Variants in CEP162 observed in about 807,000 individuals in gnomAD.
CEP162 encodes the protein centrosomal protein 162, also known as centrosomal protein of 162 kDa.
Under a neutral mutation model 169.2 loss-of-function variants are expected in CEP162, and 141 were observed. The ratio of observed to expected loss-of-function variants is 0.83; its 90% confidence interval spans 0.73 to 0.96. CEP162 has a LOEUF of 0.96. Ranked by LOEUF, CEP162 falls within the 40% of genes least tolerant of loss-of-function variation. The pLI is 0.00. For missense variants in CEP162, 1,600 were observed against 1,587.2 expected, an observed-to-expected ratio of 1.01 and a Z score of -0.14; for synonymous variants, 540 against 526.4, an observed-to-expected ratio of 1.03 and a Z score of -0.35.
intron 25 of CEP162, among the ~76,000 whole-genome samples, chr6:84,129,091 T>C (rs996509750): frequency 1.3e-5 from 2 of 152,214 alleles, no homozygotes; most frequent in African/African-American, 2.4e-5. Context: ...CAATCTATCA[T>C]TGATGGGCAT....
chr6:84,159,785 T>C (rs1032459592), intron 21 of CEP162, among the ~76,000 whole-genome samples: 2 of 151,296 alleles, frequency 1.3e-5, no homozygotes, highest in Admixed American at 6.6e-5. Context: ...TTTCACCATG[T>C]TGGCCACCCT....
chr6:84,146,689 CT>C lies in CEP162; in HGVS notation c.3867del (p.Glu1290ArgfsTer6). 1.3e-6 allele frequency: 2 copies of C among 1,528,520 alleles called. No homozygotes were observed. Among genetic ancestry groups the C allele is most frequent in the Non-Finnish European group, 1.8e-6 (2 of 1,124,438 alleles). The allele number at this position is 1,528,520 out of a possible 1,614,324, so 94.7% of individuals were successfully genotyped here. ...CCAATATTTTGGCCATTTCTTACCTCTTTCTGTAGAATTTCTTCTCGAACTT... is the reference window on the plus strand; with the variant it reads ...CCAATATTTTGGCCATTTCTTACCTCTTCTGTAGAATTTCTTCTCGAACTT... ...VSEVREEILQ[K>X]EITKLLEELR... On this transcript the variant is annotated frameshift_variant, in exon 25 of 27. Coordinates refer to ENST00000403245, the MANE Select transcript of CEP162 (RefSeq NM_014895.4). LOFTEE classifies it high-confidence loss of function.
chr6:84,186,301 C>A (rs772089523), intron 12 of CEP162, 31 bp downstream of exon 12: 1 of 1,250,606 alleles, frequency 8.0e-7, no homozygotes, highest in Non-Finnish European at 1.2e-6. Flanking sequence ...GGTTCTCAAT[C>A]TCTCAAATCA....
intron 6 of CEP162, 72 bp from the exon 7 acceptor site, chr6:84,204,168 G>A (rs1562080575): frequency 1.1e-5 from 9 of 845,798 alleles, no homozygotes; most frequent in Admixed American, 2.4e-5. Context: ...AAAGGCTGTT[G>A]ATTTCGAAAG....
At chr6:84,153,216 T>G in intron 22 of CEP162, 37 bp from the exon 23 acceptor site, 1 of 1,553,636 alleles carries the variant, frequency 6.4e-7, no homozygotes. Flanking sequence ...AAACACCTGT[T>G]AAACGTTTCA....
At chr6:84,213,963 C>A (rs916338293) in intron 5 of CEP162, among the ~76,000 whole-genome samples, 21 of 152,176 alleles carry the variant, frequency 1.4e-4, no homozygotes, top group Admixed American at 3.9e-4. Flanking sequence ...AAAGAGCAGG[C>A]TTGTTTCCAC....
At chr6:84,175,109 A>G (rs2099531889) in intron 14 of CEP162, 105 bp downstream of exon 14, 1 of 910,284 alleles carries the variant, frequency 1.1e-6, no homozygotes, top group Non-Finnish European at 1.6e-6. Flanking sequence ...AGTATCACTC[A>G]AAGGAAAAGA....
chr6:84,197,000 C>T (rs749807227), intron 9 of CEP162, among the ~76,000 whole-genome samples: 1 of 152,092 alleles, frequency 6.6e-6, no homozygotes, highest in Non-Finnish European at 1.5e-5. Context: ...TGAAAGAGGT[C>T]ATTAATTTTC....
chr6:84,213,694 C>G (rs2099550430), intron 5 of CEP162, among the ~76,000 whole-genome samples: 1 of 152,138 alleles, frequency 6.6e-6, no homozygotes, highest in Middle Eastern at 3.2e-3. Flanking sequence ...CTATTCTGTA[C>G]TTTGACCGGC....
intron 21 of CEP162, 61 bp downstream of exon 21, chr6:84,160,749 AAG>A (rs1054080274): frequency 1.9e-6 from 2 of 1,046,322 alleles, no homozygotes; most frequent in African/African-American, 3.2e-5. Context: ...CCTGAAACAA[AAG>A]AGAAAACCAA....
At chr6:84,138,026 G>A (rs2099514894) in intron 25 of CEP162, among the ~76,000 whole-genome samples, 1 of 152,128 alleles carries the variant, frequency 6.6e-6, no homozygotes, top group African/African-American at 2.4e-5. Context: ...TATACTAAGT[G>A]GGAATCATCT....
At chr6:84,128,726 G>C (rs768406487) in intron 25 of CEP162, among the ~76,000 whole-genome samples, 2 of 151,900 alleles carry the variant, frequency 1.3e-5, no homozygotes, top group Non-Finnish European at 2.9e-5. Flanking sequence ...TTGTTCTGGG[G>C]TACATGTGCA....
intron 15 of CEP162, 106 bp downstream of exon 15, chr6:84,174,621 A>G (rs1588794199): frequency 1.6e-6 from 1 of 624,574 alleles, no homozygotes; most frequent in East Asian, 2.8e-5. Context: ...AAATACATCA[A>G]GTCAAACATC....
At chr6:84,221,304 A>G (rs918184140) in intron 2 of CEP162, 133 bp from the exon 3 acceptor site, 2 of 487,010 alleles carry the variant, frequency 4.1e-6, no homozygotes, top group Admixed American at 3.9e-5. Context: ...TCTCATCAAT[A>G]ACGTATAATT....
At chr6:84,150,868 G>A (rs1432628774) in intron 23 of CEP162, among the ~76,000 whole-genome samples, 2 of 152,134 alleles carry the variant, frequency 1.3e-5, no homozygotes, top group Non-Finnish European at 2.9e-5. Flanking sequence ...CATTTGTTGG[G>A]TGTTTCCCAT....
At chr6:84,155,895 G>A (rs1257421583) in intron 21 of CEP162, among the ~76,000 whole-genome samples, 2 of 152,028 alleles carry the variant, frequency 1.3e-5, no homozygotes, top group African/African-American at 2.4e-5. Flanking sequence ...CAATTCATAC[G>A]GAACCAAAAA....
chr6:84,217,475 C>T (rs1395952988), intron 3 of CEP162, among the ~76,000 whole-genome samples: 1 of 152,062 alleles, frequency 6.6e-6, no homozygotes, highest in Non-Finnish European at 1.5e-5. Context: ...CAGTGTACAG[C>T]CTCTAAGCCA....
intron 10 of CEP162, among the ~76,000 whole-genome samples, chr6:84,194,293 T>C (rs2099541124): frequency 6.7e-6 from 1 of 149,228 alleles, no homozygotes; most frequent in Admixed American, 6.8e-5. Flanking sequence ...TGGCGGAGGC[T>C]GCTGTGAGCC....
At chr6:84,219,966 G>T (rs890063348) in intron 3 of CEP162, among the ~76,000 whole-genome samples, 2 of 152,128 alleles carry the variant, frequency 1.3e-5, no homozygotes, top group Non-Finnish European at 2.9e-5. Context: ...GTGATGCTAG[G>T]CTTTATTGGG....
Sources: allele counts gnomAD v4.1 joint callset (sites outside exome capture counted in the v4.1 genomes callset), GRCh38; gene constraint gnomAD v4.1.1; transcripts MANE v1.5; gene names NCBI Gene and HGNC (gene_info 2026-07-23, HGNC 2026-07-21).